The following SPEG variants were observed in gnomAD, a reference collection of about 807,000 sequenced individuals.
SPEG encodes the protein striated muscle enriched protein kinase, also known as striated muscle preferentially expressed protein kinase.
Under a neutral mutation model 300.4 loss-of-function variants are expected in SPEG, and 114 were observed. The observed-to-expected ratio is 0.38, with a 90% CI of 0.33 to 0.44. The LOEUF is 0.44. SPEG is among the 20% of genes least tolerant of loss of function. The pLI, the probability that SPEG is intolerant of heterozygous loss-of-function variation, is 1.00. For missense variants in SPEG, 4,201 were observed against 4,586.2 expected (o/e 0.92, Z 2.43); for synonymous variants, 1,964 against 2,018.9 (o/e 0.97, Z 0.73).
intron 15 of SPEG, 37 bp downstream of exon 15, chr2:219,472,368 G>T: frequency 6.3e-7 from 1 of 1,576,542 alleles, no homozygotes; most frequent in Non-Finnish European, 8.7e-7. Flanking sequence ...GGTGGGGAAG[G>T]GGTGTGGAGA....
Position 219,451,675 on chromosome 2 carries a change from C to T in SPEG, c.2308C>T (p.Leu770Phe). 1 of 1,587,406 alleles carries T rather than the reference C, an allele frequency of 6.3e-7. No homozygotes were observed. The highest frequency in any genetic ancestry group is 8.6e-7 in the Non-Finnish European group (1 of 1,168,734). ...SALRSEGRLLLRAEGERHTLL... is the reference protein window; with the variant it reads ...SALRSEGRLLFRAEGERHTLL... ...GCTGCGCAGCGAGGGCCGCCTCCTC[C>T]TCCGGGCTGAGGGTGAGCGGCACAC... The change falls in exon 6 of 41, where the codon CTC becomes TTC. Residue 770 changes from leucine to phenylalanine, a missense_variant. Leu to Phe is a conservative substitution (Grantham distance 22). Around this residue, in one of 4 missense-constraint regions of SPEG, gnomAD observed 1,258 missense variants for 1,293.9 expected, o/e 0.97. Coordinates refer to ENST00000312358, the MANE Select transcript of SPEG (RefSeq NM_005876.5). This position sits in a 1 kb window ranked among gnomAD's most constrained non-coding sequence, Gnocchi z 6.4.
chr2:219,491,689 G>C, intron 38 of SPEG, 105 bp from the exon 39 acceptor site: 1 of 859,620 alleles, frequency 1.2e-6, no homozygotes, highest in East Asian at 2.6e-5. Context: ...CCCATGGTCT[G>C]GTGACCAGGA....
Position 219,490,549 on chromosome 2 carries a change from G to A in SPEG, c.9062G>A (p.Arg3021Gln), listed in dbSNP as rs763796806. Residue 3021 changes from arginine (R) to glutamine (Q), a missense_variant, in exon 37 of 41, where the codon CGG (arginine) becomes CAG (glutamine). By Grantham distance (43) the Arg-to-Gln change is conservative (BLOSUM62 1). Coordinates refer to ENST00000312358, the MANE Select transcript of SPEG (RefSeq NM_005876.5). The stretch of plus-strand genomic sequence containing the variant: ...GTGCTGCGGACCCTGCACCACGAGC[G>A]GATCATGTCCCTGCACGAGGCCTAC... Reference protein sequence around the residue: ...YEVLRTLHHERIMSLHEAYIT... With the variant: ...YEVLRTLHHEQIMSLHEAYIT... 40 of 1,613,630 alleles carry A rather than the reference G, an allele frequency of 2.5e-5. No homozygotes were observed. The highest frequency in any genetic ancestry group is 3.0e-5 in the Non-Finnish European group (35 of 1,180,032).
At chr2:219,468,045 A>G (rs981301820) in intron 10 of SPEG, among the ~76,000 whole-genome samples, 1 of 152,228 alleles carries the variant, frequency 6.6e-6, no homozygotes, top group Non-Finnish European at 1.5e-5. Flanking sequence ...CCTAAGCGGA[A>G]GCTGGAGGGG....
Position 219,435,058 on chromosome 2 carries a change from CA to C in SPEG, c.83del (p.Lys28ArgfsTer22). On this transcript the variant is annotated frameshift_variant, in exon 1 of 41. Coordinates refer to ENST00000312358, the MANE Select transcript of SPEG (RefSeq NM_005876.5). LOFTEE classifies it high-confidence loss of function. ...GCCCCGGAGTGCCCCCGAAAAGGGC[CA>C]AGGTGGGGGCCGGCGGCGGGGCTCC... is the stretch of plus-strand genomic sequence containing the variant. ...PSPGVPPKRA[K>X]VGAGGGAPVA... 2 of 1,482,704 alleles carry C rather than the reference CA, an allele frequency of 1.3e-6. No homozygotes were observed. The highest frequency in any genetic ancestry group is 8.9e-7 in the Non-Finnish European group (1 of 1,125,824). 91.8% of individuals were successfully genotyped at this position (1,482,704 alleles called of 1,614,324 possible).
intron 13 of SPEG, among the ~76,000 whole-genome samples, chr2:219,471,218 AG>A (rs1352096932): frequency 6.6e-6 from 1 of 152,208 alleles, no homozygotes; most frequent in African/African-American, 2.4e-5. Flanking sequence ...TTGAAGGACA[AG>A]GAAGCCTTAG....
At chr2:219,453,022 C>G (rs928430163) in intron 6 of SPEG, among the ~76,000 whole-genome samples, 4 of 152,226 alleles carry the variant, frequency 2.6e-5, no homozygotes, top group Middle Eastern at 3.2e-3. Flanking sequence ...CCTACCCCTC[C>G]TACCCCGCTG....
intron 9 of SPEG, chr2:219,465,925 G>A (rs1345977081): frequency 5.3e-5 from 13 of 243,378 alleles, no homozygotes; most frequent in African/African-American, 3.3e-4. Flanking sequence ...GTGTGTGTGC[G>A]CGCGTGTGCG....
intron 36 of SPEG, 139 bp downstream of exon 36, chr2:219,490,078 T>C (rs1693823499): frequency 4.8e-6 from 5 of 1,038,206 alleles, no homozygotes; most frequent in Non-Finnish European, 6.9e-6. Context: ...AATGATTGCG[T>C]TCAAATGTGC....
At chr2:219,485,709 A>T (rs769598217) in intron 31 of SPEG, among the ~76,000 whole-genome samples, 4 of 152,216 alleles carry the variant, frequency 2.6e-5, no homozygotes, top group Admixed American at 2.0e-4. Context: ...TGTTTGGGAA[A>T]TATTAGTATC....
rs1254145705 is a variant in SPEG at position 219,479,824 on chromosome 2, C to T, written c.5127C>T (p.Tyr1709=). The T allele has an allele frequency of 3.7e-6, 6 of 1,613,998 alleles. No individual in the cohort carries two copies. The highest frequency in any genetic ancestry group is 1.6e-4 in the Middle Eastern group (1 of 6,084). The change falls in exon 24 of 41, where the codon TAC becomes TAT. Residue 1709 remains tyrosine (Y), a synonymous_variant. Coordinates refer to ENST00000312358, the MANE Select transcript of SPEG (RefSeq NM_005876.5). This position sits in a 1 kb window ranked among gnomAD's most constrained non-coding sequence, Gnocchi z 5.5. ...YMRQVLEGIH[Y]LHQSHVLHLD... ...GGCAGGTGCTAGAGGGAATACACTA[C>T]CTGCACCAGAGCCACGTGCTGCACC...
Position 219,477,324 on chromosome 2 carries a change from G to T in SPEG, c.4608G>T (p.Glu1536Asp). 1 of 1,613,572 alleles carries T rather than the reference G, an allele frequency of 6.2e-7. No homozygotes were observed. Among genetic ancestry groups the T allele is most frequent in the South Asian group, 1.1e-5 (1 of 91,040 alleles). The part of the protein sequence containing the change: ...TESSHVSFVY[E>D]ENECSLVVLS... ...GCAGCCATGTGAGCTTCGTGTACGA[G>T]GAGAATGAGTGCTCCCTGGTGGTGC... The change falls in exon 20 of 41, where the codon GAG becomes GAT. Residue 1536 changes from glutamate to aspartate, a missense_variant. By Grantham distance (45) the Glu-to-Asp change is conservative. Coordinates refer to ENST00000312358, the MANE Select transcript of SPEG (RefSeq NM_005876.5). This position sits in a 1 kb window ranked among gnomAD's most constrained non-coding sequence, Gnocchi z 6.4.
rs1694148447 is a variant in SPEG at position 219,493,489 on chromosome 2, C to T, written c.*703C>T. ...CCTCCATGGCCTCTGGCCTTCTTCC[C>T]ATTCATATTTATTTATTTATTGACT... On this transcript the variant is annotated 3_prime_UTR_variant, in exon 41 of 41. Transcript: ENST00000312358. 2.2e-6 allele frequency: 1 copy of T among 451,242 alleles called. No individual in the cohort carries two copies. The highest frequency in any genetic ancestry group is 2.0e-5 in the African/African-American group (1 of 49,968). The allele number at this position is 451,242 out of a possible 1,614,324, so 28.0% of individuals were successfully genotyped here. A position where few individuals can be genotyped will look rare whatever the true frequency, so the allele number is the denominator to read the frequency against.
At chr2:219,476,748 G>C (rs1476880579) in intron 18 of SPEG, 122 bp from the exon 19 acceptor site, 1 of 698,650 alleles carries the variant, frequency 1.4e-6, no homozygotes, top group Non-Finnish European at 2.4e-6. Flanking sequence ...TTGCAGGGAG[G>C]CGGGGGTCTA....
In SPEG at chr2:219,480,842, C is replaced by A. The variant is rs1476093637; in HGVS notation, c.5369+145C>A. 1 of 784,860 alleles carries A rather than the reference C, an allele frequency of 1.3e-6. No homozygotes were observed. Among genetic ancestry groups the A allele is most frequent in the Non-Finnish European group, 2.2e-6 (1 of 461,596 alleles). The allele number at this position is 784,860 out of a possible 1,614,324, so 48.6% of individuals were successfully genotyped here. ...CCTCATGTGCATGAAGGTGGACACC[C>A]CTGTCTGCATGCCCACACTCTGCCT... On this transcript the variant is annotated intron_variant, in intron 26 of 40. Transcript: ENST00000312358. The surrounding 1 kb of genome is among the most constrained non-coding windows in gnomAD (Gnocchi z 5.3).
At chr2:219,492,031 G>C (rs1575207674) in intron 39 of SPEG, 80 bp from the exon 40 acceptor site, 2 of 1,500,406 alleles carry the variant, frequency 1.3e-6, no homozygotes, top group South Asian at 2.5e-5. Flanking sequence ...TGAGCACTGT[G>C]CACCTGACAC....
chr2:219,471,697 C>A, intron 13 of SPEG, 171 bp from the exon 14 acceptor site: 1 of 758,330 alleles, frequency 1.3e-6, no homozygotes, highest in Admixed American at 2.6e-5. Context: ...CCAGACTTTG[C>A]TGCACCATGG....
rs1690492346 is a variant in SPEG, at chr2:219,459,769, C to CA, written c.2441-2110dup. On this transcript the variant is annotated intron_variant, in intron 6 of 40. Coordinates refer to ENST00000312358, the MANE Select transcript of SPEG (RefSeq NM_005876.5). The surrounding 1 kb of genome is among the most constrained non-coding windows in gnomAD (Gnocchi z 4.9). ...GGAGCCATGCCTGTGATCTCAGCAT[C>CA]AAATGCCTTAAGCACCAAATGCCAT... Among the ~76,000 whole-genome samples, 1 of 152,210 alleles carries CA rather than the reference C, an allele frequency of 6.6e-6. No individual in the cohort carries two copies. Among genetic ancestry groups the CA allele is most frequent in the South Asian group, 2.1e-4 (1 of 4,828 alleles).
At chr2:219,474,852 G>A (rs1692204046) in intron 18 of SPEG, among the ~76,000 whole-genome samples, 1 of 144,510 alleles carries the variant, frequency 6.9e-6, no homozygotes, top group South Asian at 2.2e-4. Flanking sequence ...ACACCATCTC[G>A]GCTCACTGCA....
Sources: allele counts gnomAD v4.1 joint callset (sites outside exome capture counted in the v4.1 genomes callset), GRCh38; gene constraint gnomAD v4.1.1; regional missense constraint gnomAD v4.1.1; non-coding constraint Gnocchi (gnomAD v3.1); transcripts MANE v1.5; gene names NCBI Gene and HGNC (gene_info 2026-07-23, HGNC 2026-07-21).